Variants in CDK8 observed in about 807,000 individuals in gnomAD.
CDK8 encodes cyclin-dependent kinase 8.
CDK8 carries 29 observed loss-of-function variants against 71.5 expected under a neutral mutation model. The ratio of observed to expected loss-of-function variants is 0.41; its 90% confidence interval spans 0.30 to 0.55. The LOEUF is 0.55. Among genes scored for constraint, CDK8 ranks in the 20% least tolerant of loss-of-function variants. The pLI, the probability that CDK8 is intolerant of heterozygous loss-of-function variation, is 0.37. For missense variants in CDK8, 288 were observed against 572.6 expected, an observed-to-expected ratio of 0.50 and a Z score of 5.07; for synonymous variants, 161 against 192.1, an observed-to-expected ratio of 0.84 and a Z score of 1.34.
At chr13:26,371,612 G>C (rs1475284134) in intron 4 of CDK8, among the ~76,000 whole-genome samples, 1 of 152,070 alleles carries the variant, frequency 6.6e-6, no homozygotes, top group African/African-American at 2.4e-5. Context: ...ATAGAAACAC[G>C]TGTACCTTGA....
Position 26,349,116 on chromosome 13 carries a change from G to A in CDK8, c.249G>A (p.Lys83=), listed in dbSNP as rs1433736252. Residue 83 remains lysine, a synonymous_variant, in exon 3 of 13, where the codon AAG becomes AAA. Transcript: ENST00000381527. ...ATCCAAACGTCATTTCTCTTCAAAA[G>A]GTGTTTCTGTCTCATGCTGATAGGA... ...LKHPNVISLQ[K]VFLSHADRKV... is the part of the protein sequence containing the mutation. 1 of 1,613,444 alleles carries A rather than the reference G, an allele frequency of 6.2e-7. No homozygotes were observed. The highest frequency in any genetic ancestry group is 8.5e-7 in the Non-Finnish European group (1 of 1,179,648).
intron 12 of CDK8, among the ~76,000 whole-genome samples, chr13:26,402,368 C>A (rs142049441): frequency 6.6e-6 from 1 of 152,256 alleles, no homozygotes; most frequent in African/African-American, 2.4e-5. Flanking sequence ...TTGTATACCA[C>A]CTCCTTTTCT....
At chr13:26,263,744 A>G (rs145255188) in intron 1 of CDK8, among the ~76,000 whole-genome samples, 1,191 of 107,198 alleles carry the variant, frequency 0.011, 26 homozygotes, top group African/African-American at 0.039. Context: ...CGGCTAAAAG[A>G]CTCCCTTTTT....
chr13:26,273,700 A>G (rs1872436528), intron 1 of CDK8, among the ~76,000 whole-genome samples: 1 of 151,970 alleles, frequency 6.6e-6, no homozygotes, highest in South Asian at 2.1e-4. Context: ...CTTTTGTACT[A>G]AATAGCTAGG....
intron 4 of CDK8, among the ~76,000 whole-genome samples, chr13:26,363,340 A>AAAAAAAAAAAAAAAAAAAT (rs1874239404): frequency 6.7e-6 from 1 of 149,012 alleles, no homozygotes; most frequent in African/African-American, 2.5e-5. Context: ...AAAAAAAAAA[A>AAAAAAAAAAAAAAAAAAAT]AGAAATTTGG....
chr13:26,344,612 C>G (rs1023825954), intron 2 of CDK8, among the ~76,000 whole-genome samples: 1 of 151,992 alleles, frequency 6.6e-6, no homozygotes, highest in Non-Finnish European at 1.5e-5. Flanking sequence ...CAAAAAAATA[C>G]AAAAATTAGC....
rs1005453216 is a variant in CDK8 at position 26,341,748 on chromosome 13, A to C, written c.204+4106A>C. ...TATTTGTACTATAGAAGTTCAAATT[A>C]AATGTGATACTGTATGTAACAGCTG... On this transcript the variant is annotated intron_variant, in intron 2 of 12. Coordinates refer to ENST00000381527, the MANE Select transcript of CDK8 (RefSeq NM_001260.3). Among the ~76,000 whole-genome samples, 9 of 152,176 alleles carry C rather than the reference A, an allele frequency of 5.9e-5. 1 individual carries two copies. Among genetic ancestry groups the C allele is most frequent in the African/African-American group, 2.2e-4 (9 of 41,448 alleles).
intron 4 of CDK8, among the ~76,000 whole-genome samples, chr13:26,365,034 T>C (rs1470260311): frequency 6.6e-6 from 1 of 152,106 alleles, no homozygotes; most frequent in Non-Finnish European, 1.5e-5. Flanking sequence ...AAAATGCTTT[T>C]AGTTGTCAGG....
intron 1 of CDK8, among the ~76,000 whole-genome samples, chr13:26,317,389 T>C (rs1444946944): frequency 6.6e-6 from 1 of 152,122 alleles, no homozygotes; most frequent in Non-Finnish European, 1.5e-5. Flanking sequence ...ATACCGCCTC[T>C]CAATGATGGA....
intron 1 of CDK8, among the ~76,000 whole-genome samples, chr13:26,304,919 C>T (rs1873978255): frequency 6.6e-6 from 1 of 152,150 alleles, no homozygotes; most frequent in Admixed American, 6.5e-5. Context: ...CCCCCTGCCT[C>T]AGCCTCCCAA....
chr13:26,265,267 T>C (rs1593225457), intron 1 of CDK8, among the ~76,000 whole-genome samples: 1 of 152,184 alleles, frequency 6.6e-6, no homozygotes, highest in East Asian at 1.9e-4. Context: ...AATAACTCTT[T>C]AGGGAACTTA....
At chr13:26,394,707 G>A (rs997094309) in intron 7 of CDK8, among the ~76,000 whole-genome samples, 1 of 152,184 alleles carries the variant, frequency 6.6e-6, no homozygotes, top group Non-Finnish European at 1.5e-5. Flanking sequence ...TTAATATGTG[G>A]TTCAGAGGTT....
At chr13:26,333,651 A>ATTACC (rs1872854640) in intron 1 of CDK8, among the ~76,000 whole-genome samples, 1 of 152,190 alleles carries the variant, frequency 6.6e-6, no homozygotes, top group Non-Finnish European at 1.5e-5. Context: ...ATTATATAAA[A>ATTACC]TTACCTTCAG....
intron 2 of CDK8, among the ~76,000 whole-genome samples, chr13:26,346,041 G>A (rs1361047423): frequency 1.3e-5 from 2 of 152,146 alleles, no homozygotes; most frequent in African/African-American, 4.8e-5. Context: ...GTTAGCTCTT[G>A]GGAGGTATTG....
At position 26,353,715 on chromosome 13, in the gene CDK8, G is replaced by A. The variant is rs9943935; in HGVS notation, c.316-25G>A. ...TATCTTTTCCTTTTTTTAAGCTTCT[G>A]TTGATATTTTTTTCTTTCTTTCAGC... On this transcript the variant is annotated intron_variant, in intron 3 of 12. Transcript: ENST00000381527. 17,437 of 1,562,306 alleles carry A rather than the reference G, an allele frequency of 0.011. 1,580 individuals carry two copies. In the African/African-American group the frequency reaches 0.2, roughly 18 times the overall value.
chr13:26,377,778 CTGAG>C (rs67393001), intron 4 of CDK8, among the ~76,000 whole-genome samples: 7,273 of 151,490 alleles, frequency 0.048, 236 homozygotes, highest in South Asian at 0.07. Context: ...GTAAAACTTA[CTGAG>C]TATGTGTCTA....
chr13:26,344,165 T>G (rs1873364011), intron 2 of CDK8, among the ~76,000 whole-genome samples: 1 of 152,174 alleles, frequency 6.6e-6, no homozygotes, highest in African/African-American at 2.4e-5. Flanking sequence ...TCTGTTCCTG[T>G]GTTATTTTAT....
chr13:26,302,194 CA>C (rs1873853049), intron 1 of CDK8, among the ~76,000 whole-genome samples: 1 of 152,180 alleles, frequency 6.6e-6, no homozygotes, highest in Non-Finnish European at 1.5e-5. Flanking sequence ...TAGAATTCTG[CA>C]ATGGATGCCT....
rs1241145974 is a variant in CDK8, at chr13:26,393,326, G to A, written c.647-41G>A. 4.7e-6 allele frequency: 6 copies of A among 1,285,496 alleles called. No individual in the cohort carries two copies. In the South Asian group the frequency reaches 6.2e-5, roughly 13 times the overall value. 79.6% of individuals were successfully genotyped at this position (1,285,496 alleles called of 1,614,324 possible). A position where few individuals can be genotyped will look rare whatever the true frequency, so the allele number is the denominator to read the frequency against. The stretch of plus-strand genomic sequence containing the variant: ...GCACCTTTCTTTTTCTTTTTTCCTT[G>A]CCTATTTTTCTTTCTTTTTTTTTTT... On this transcript the variant is annotated intron_variant, in intron 6 of 12. Transcript: ENST00000381527.
Sources: allele counts gnomAD v4.1 joint callset (sites outside exome capture counted in the v4.1 genomes callset), GRCh38; gene constraint gnomAD v4.1.1; transcripts MANE v1.5; gene names NCBI Gene and HGNC (gene_info 2026-07-23, HGNC 2026-07-21).